ZNF521: variants seen among roughly 807,000 people sequenced by gnomAD.
The protein encoded by ZNF521 is LYST-interacting protein 3.
ZNF521 carries 14 observed loss-of-function variants against 105.5 expected under a neutral mutation model. That is an observed-to-expected ratio of 0.13 (90% CI 0.09 to 0.21). The LOEUF (loss-of-function observed/expected upper bound fraction) is 0.21, where lower values mean the gene tolerates loss of function less well. ZNF521 is among the 10% of genes least tolerant of loss of function. The pLI is 1.00. For synonymous variants in ZNF521, 635 were observed against 606.0 expected, an observed-to-expected ratio of 1.05 and a Z score of -0.70; for missense variants, 1,233 against 1,629.7, an observed-to-expected ratio of 0.76 and a Z score of 4.19.
rs114622269 is a variant in ZNF521 at position 25,311,420 on chromosome 18, A to G, written c.220+10588T>C. Among the ~76,000 whole-genome samples the G allele has an allele frequency of 1.4e-3, 209 of 151,860 alleles. 2 individuals carry two copies. Among genetic ancestry groups the G allele is most frequent in the African/African-American group, 4.8e-3 (197 of 41,426 alleles). On this transcript the variant is annotated intron_variant, in intron 3 of 7. Transcript: ENST00000361524. ...AAAAAAATTCAACCTCTTAAGTTTTATCATGTTGAATTTCACATTTGAAAA... is the reference window on the plus strand; with the variant it reads ...AAAAAAATTCAACCTCTTAAGTTTTGTCATGTTGAATTTCACATTTGAAAA...
chr18:25,221,648 A>G (rs1336155201), intron 4 of ZNF521, among the ~76,000 whole-genome samples: 1 of 152,240 alleles, frequency 6.6e-6, no homozygotes, highest in Non-Finnish European at 1.5e-5. Flanking sequence ...GTCAATAGAC[A>G]TATATGTCAC....
In ZNF521 at chr18:25,224,718, C is replaced by G; in HGVS notation, c.3200G>C (p.Cys1067Ser). The G allele has an allele frequency of 1.2e-6, 2 of 1,614,046 alleles. No homozygotes were observed. The highest frequency in any genetic ancestry group is 1.7e-6 in the Non-Finnish European group (2 of 1,179,998). Residue 1067 changes from cysteine to serine, a missense_variant, in exon 4 of 8, where the codon TGC (cysteine) becomes TCC (serine). Cys to Ser is a moderately radical substitution (Grantham distance 112, BLOSUM62 -1). This residue lies in a region of ZNF521 where 614 missense variants were observed against 751.5 expected (regional missense o/e 0.82). Coordinates refer to ENST00000361524, the MANE Select transcript of ZNF521 (RefSeq NM_015461.3). ...RGQHVQKLYK[C>S]ASCLKEFRSK... The stretch of plus-strand genomic sequence containing the variant: ...ACGGAATTCTTTGAGGCAAGATGCG[C>G]ACTTATACAGTTTTTGGACGTGCTG...
At chr18:25,085,010 G>A (rs997428499) in intron 7 of ZNF521, among the ~76,000 whole-genome samples, 9 of 152,020 alleles carry the variant, frequency 5.9e-5, no homozygotes, top group Admixed American at 2.0e-4. Context: ...GGTCTATTAG[G>A]AAAACATGTG....
At chr18:25,342,720 G>A (rs531059602) in intron 2 of ZNF521, among the ~76,000 whole-genome samples, 222 of 152,256 alleles carry the variant, frequency 1.5e-3, no homozygotes, top group Non-Finnish European at 2.5e-3. Context: ...GAGCCACCGC[G>A]CCTGGCCTTC....
At chr18:25,325,753 G>A (rs749220608) in intron 2 of ZNF521, among the ~76,000 whole-genome samples, 5 of 151,974 alleles carry the variant, frequency 3.3e-5, no homozygotes, top group Non-Finnish European at 7.4e-5. Context: ...GTTCTGATTG[G>A]ATAAAATGCT....
At position 25,227,068 on chromosome 18, in the gene ZNF521, C is replaced by T. The variant is rs757256125; in HGVS notation, c.850G>A (p.Val284Ile). Residue 284 changes from valine to isoleucine, a missense_variant, in exon 4 of 8, where the codon GTC (valine) becomes ATC (isoleucine). Val to Ile is a conservative substitution (Grantham distance 29). Around this residue, in one of 6 missense-constraint regions of ZNF521, gnomAD observed 380 missense variants for 478.0 expected, o/e 0.80. Transcript: ENST00000361524. This position sits in a 1 kb window ranked among gnomAD's most constrained non-coding sequence, Gnocchi z 5.7. ...TCTACGAAGAGCTCGTGGCAGTAGA[C>T]ACACTGGAGGGCCGCTCGGTCCTCA... ...PNEDRAALQCVYCHELFVEET... is the reference protein window; with the variant it reads ...PNEDRAALQCIYCHELFVEET... 9 of 1,614,138 alleles carry T rather than the reference C, an allele frequency of 5.6e-6. No homozygotes were observed. The highest frequency in any genetic ancestry group is 6.8e-6 in the Non-Finnish European group (8 of 1,180,018).
rs1304043411 is a variant in ZNF521, at chr18:25,224,661, T to C, written c.3257A>G (p.Asn1086Ser). 17 of 1,613,984 alleles carry C rather than the reference T, an allele frequency of 1.1e-5. No individual in the cohort carries two copies. The highest frequency in any genetic ancestry group is 1.3e-5 in the African/African-American group (1 of 74,912). Reference protein sequence around the residue: ...SKQDLVKLDINGLPYGLCAGC... With the variant: ...SKQDLVKLDISGLPYGLCAGC... ...GGCACACAGACCATATGGCAGGCCA[T>C]TGATATCAAGTTTCACCAGATCTTG... Residue 1086 changes from asparagine (N) to serine (S), a missense_variant, in exon 4 of 8, where the codon AAT (asparagine) becomes AGT (serine). Around this residue, in one of 6 missense-constraint regions of ZNF521, gnomAD observed 614 missense variants for 751.5 expected, o/e 0.82. Transcript: ENST00000361524.
chr18:25,068,131 A>G (rs998590667), intron 7 of ZNF521, among the ~76,000 whole-genome samples: 1 of 152,244 alleles, frequency 6.6e-6, no homozygotes, highest in Non-Finnish European at 1.5e-5. Context: ...AATTTAAATG[A>G]GATGTTTTCT....
chr18:25,083,043 A>G (rs1416588166), intron 7 of ZNF521, among the ~76,000 whole-genome samples: 3 of 151,946 alleles, frequency 2.0e-5, no homozygotes, highest in Non-Finnish European at 4.4e-5. Context: ...ATAAACTAAA[A>G]CTTTTTTCCA....
rs77923424 is a variant in ZNF521 at position 25,180,151 on chromosome 18, A to G, written c.3658+15009T>C. Among the ~76,000 whole-genome samples, 698 of 152,342 alleles carry G rather than the reference A, an allele frequency of 4.6e-3. 4 individuals are homozygous for G. Among genetic ancestry groups the G allele is most frequent in the African/African-American group, 0.016 (674 of 41,572 alleles). ...ACAAACCCACAACACTTGGAAGATT[A>G]TAATTTTTTCTTAAAAGACACATGC... On this transcript the variant is annotated intron_variant, in intron 5 of 7. Coordinates refer to ENST00000361524, the MANE Select transcript of ZNF521 (RefSeq NM_015461.3).
In ZNF521 at chr18:25,150,258, A is replaced by G. The variant is rs1453564460; in HGVS notation, c.3658+44902T>C. 3.3e-5 allele frequency among the ~76,000 whole-genome samples: 5 copies of G among 152,124 alleles called. 1 individual carries two copies. Among genetic ancestry groups the G allele is most frequent in the Admixed American group, 2.6e-4 (4 of 15,266 alleles). On this transcript the variant is annotated intron_variant, in intron 5 of 7. Transcript: ENST00000361524. ...GGATGCAAAGGCATAAGAATGATAC[A>G]ATGGACTTTGGGGACTCAGGGGGTA...
At chr18:25,332,715 T>TTA (rs1342057929) in intron 2 of ZNF521, among the ~76,000 whole-genome samples, 1 of 152,218 alleles carries the variant, frequency 6.6e-6, no homozygotes, top group Non-Finnish European at 1.5e-5. Flanking sequence ...ATGAGTCTAA[T>TTA]GTTTTTCTTT....
rs11343299 is a variant in ZNF521 at position 25,312,817 on chromosome 18, C to CAAA, written c.220+9188_220+9190dup. On this transcript the variant is annotated intron_variant, in intron 3 of 7. Transcript: ENST00000361524. ...TGGGCGACAGAGCGAGACTCCGTCT[C>CAAA]AAAAAAAAAAAAAAAAAAAAAAAAG... Among the ~76,000 whole-genome samples, 123 of 15,230 alleles carry CAAA rather than the reference C, an allele frequency of 8.1e-3. 1 individual carries two copies. Among genetic ancestry groups the CAAA allele is most frequent in the Non-Finnish European group, 9.8e-3 (62 of 6,350 alleles). 10.0% of individuals were successfully genotyped at this position (15,230 alleles called of 152,430 possible). A position where few individuals can be genotyped will look rare whatever the true frequency, so the allele number is the denominator to read the frequency against.
chr18:25,254,535 G>A (rs957468819), intron 3 of ZNF521, among the ~76,000 whole-genome samples: 2 of 152,040 alleles, frequency 1.3e-5, no homozygotes, highest in African/African-American at 4.8e-5. Context: ...TTGTGGTTGT[G>A]GCTGATTTAC....
chr18:25,074,659 T>C (rs567374719), intron 7 of ZNF521, among the ~76,000 whole-genome samples: 1 of 152,304 alleles, frequency 6.6e-6, no homozygotes, highest in South Asian at 2.1e-4. Context: ...TCCCATTGTC[T>C]TATACTCTTT....
chr18:25,120,658 T>C (rs145421307), intron 5 of ZNF521, among the ~76,000 whole-genome samples: 3 of 150,656 alleles, frequency 2.0e-5, no homozygotes, highest in African/African-American at 7.3e-5. Context: ...CCTATAACCA[T>C]AATTCAGTCA....
chr18:25,298,748 TA>T (rs947913070), intron 3 of ZNF521, among the ~76,000 whole-genome samples: 9 of 152,124 alleles, frequency 5.9e-5, no homozygotes, highest in African/African-American at 1.2e-4. Context: ...TAGTATGCTT[TA>T]AAAAAAATCA....
intron 5 of ZNF521, among the ~76,000 whole-genome samples, chr18:25,098,035 G>A (rs1297738424): frequency 3.4e-5 from 4 of 116,858 alleles, no homozygotes; most frequent in Non-Finnish European, 7.7e-5. Context: ...GGAGGTCCAG[G>A]TGGGTAGGGA....
chr18:25,225,622 C>T lies in ZNF521; in HGVS notation c.2296G>A (p.Asp766Asn). The change falls in exon 4 of 8, where the codon GAC becomes AAC. Residue 766 changes from aspartate to asparagine, a missense_variant. By Grantham distance (23) the Asp-to-Asn change is conservative. This residue lies in a region of ZNF521 where 614 missense variants were observed against 751.5 expected (regional missense o/e 0.82). Transcript: ENST00000361524. The surrounding 1 kb of genome is among the most constrained non-coding windows in gnomAD (Gnocchi z 5.6). ...SCNWDFRNET[D>N]LQLHVKHNHL... The stretch of plus-strand genomic sequence containing the variant: ...TTGTGTTTCACATGGAGCTGCAAGT[C>T]AGTTTCGTTGCGGAAGTCCCAGTTG... The T allele has an allele frequency of 1.9e-6, 3 of 1,614,182 alleles. No homozygotes were observed. Among genetic ancestry groups the T allele is most frequent in the Middle Eastern group, 3.3e-4 (2 of 6,062 alleles).
Sources: gnomAD v4.1 joint callset for allele counts (sites outside exome capture counted in the v4.1 genomes callset) on GRCh38, gnomAD v4.1.1 for gene constraint, gnomAD v4.1.1 regional missense constraint, Gnocchi (gnomAD v3.1) non-coding constraint, MANE v1.5 for transcripts, NCBI Gene and HGNC (gene_info 2026-07-23, HGNC 2026-07-21) for gene names.